PTPN4: variants seen among roughly 807,000 people sequenced by gnomAD.
The protein encoded by PTPN4 is protein tyrosine phosphatase non-receptor type 4, also known as tyrosine-protein phosphatase non-receptor type 4.
Under a neutral mutation model 135.5 loss-of-function variants are expected in PTPN4, and 49 were observed. That is an observed-to-expected ratio of 0.36 (90% CI 0.29 to 0.46). The LOEUF is 0.46. Among genes scored for constraint, PTPN4 ranks in the 20% least tolerant of loss-of-function variants. The pLI, the probability that PTPN4 is intolerant of heterozygous loss-of-function variation, is 1.00. For missense variants in PTPN4, 860 were observed against 1,101.0 expected (o/e 0.78, Z 3.10); for synonymous variants, 333 against 369.9 (o/e 0.90, Z 1.14).
intron 1 of PTPN4, among the ~76,000 whole-genome samples, chr2:119,766,909 C>T (rs1327288805): frequency 1.3e-5 from 2 of 152,162 alleles, no homozygotes; most frequent in Non-Finnish European, 2.9e-5. Context: ...CCTTCTTTAG[C>T]AAGGGAAGGC....
chr2:119,896,230 T>C (rs542048592), intron 9 of PTPN4, among the ~76,000 whole-genome samples: 1 of 152,304 alleles, frequency 6.6e-6, no homozygotes, highest in South Asian at 2.1e-4. Flanking sequence ...ATAATTTTTA[T>C]TACCCAAATG....
intron 2 of PTPN4, among the ~76,000 whole-genome samples, chr2:119,862,231 T>G (rs1677771481): frequency 6.6e-6 from 1 of 152,238 alleles, no homozygotes; most frequent in Non-Finnish European, 1.5e-5. Context: ...AAGGTCAGGT[T>G]GTTTTCTAAA....
In PTPN4 at chr2:119,893,947, T is replaced by C. The variant is rs1307821916; in HGVS notation, c.676-6771T>C. ...GGAGAACAGTAATTTTGAGGGCTTT[T>C]GCTCTACAGGACACAGATAATAATA... On this transcript the variant is annotated intron_variant, in intron 9 of 26. Transcript: ENST00000263708. 2.0e-5 allele frequency among the ~76,000 whole-genome samples: 3 copies of C among 152,130 alleles called. No individual in the cohort carries two copies. In the East Asian group the frequency reaches 5.8e-4, roughly 29 times the overall value.
chr2:119,911,850 A>G (rs1166258400), intron 10 of PTPN4, among the ~76,000 whole-genome samples: 3 of 152,202 alleles, frequency 2.0e-5, no homozygotes, highest in African/African-American at 7.2e-5. Context: ...CAACCAGTCT[A>G]GAAAACTGTT....
intron 1 of PTPN4, among the ~76,000 whole-genome samples, chr2:119,786,591 G>C (rs1313349848): frequency 6.6e-6 from 1 of 152,088 alleles, no homozygotes; most frequent in Non-Finnish European, 1.5e-5. Flanking sequence ...TGTGACCTGG[G>C]CTTCCTTGGA....
intron 19 of PTPN4, 104 bp from the exon 20 acceptor site, chr2:119,955,053 T>A: frequency 9.3e-7 from 1 of 1,076,558 alleles, no homozygotes; most frequent in South Asian, 1.8e-5. Context: ...CACAAATGAA[T>A]TATTTTTTGA....
intron 3 of PTPN4, among the ~76,000 whole-genome samples, chr2:119,862,908 T>A (rs1677781980): frequency 6.6e-6 from 1 of 152,152 alleles, no homozygotes; most frequent in African/African-American, 2.4e-5. Flanking sequence ...TAAATCCAAT[T>A]TATGCCTGTT....
intron 20 of PTPN4, among the ~76,000 whole-genome samples, chr2:119,955,668 T>C (rs1679269692): frequency 1.3e-5 from 2 of 152,178 alleles, no homozygotes; most frequent in South Asian, 4.1e-4. Context: ...CCAGGTGTGG[T>C]GGCTCACGCC....
chr2:119,928,782 T>G (rs778120385), intron 13 of PTPN4, among the ~76,000 whole-genome samples: 30 of 152,158 alleles, frequency 2.0e-4, no homozygotes, highest in Non-Finnish European at 3.8e-4. Context: ...CTGCTTGACT[T>G]TTATAAACAG....
At chr2:119,835,327 G>A (rs902300481) in intron 2 of PTPN4, among the ~76,000 whole-genome samples, 7 of 152,082 alleles carry the variant, frequency 4.6e-5, no homozygotes, top group African/African-American at 7.2e-5. Context: ...TGGGATTAGA[G>A]GCGTCTGCCA....
chr2:119,860,116 C>T (rs192907941), intron 2 of PTPN4, among the ~76,000 whole-genome samples: 1 of 152,182 alleles, frequency 6.6e-6, no homozygotes, highest in Non-Finnish European at 1.5e-5. Context: ...ACCAAAGGTA[C>T]ATTGGATTCA....
chr2:119,836,963 C>T (rs1455932631), intron 2 of PTPN4, among the ~76,000 whole-genome samples: 2 of 152,174 alleles, frequency 1.3e-5, no homozygotes, highest in African/African-American at 2.4e-5. Context: ...GCCTGGGCAC[C>T]GTGGACGAAA....
intron 1 of PTPN4, among the ~76,000 whole-genome samples, chr2:119,806,619 A>G (rs1000611130): frequency 6.6e-6 from 1 of 152,188 alleles, no homozygotes; most frequent in Non-Finnish European, 1.5e-5. Context: ...CTCCCACACA[A>G]TAATAATGGA....
chr2:119,934,628 C>T (rs983791299), intron 14 of PTPN4, among the ~76,000 whole-genome samples, 172 bp from the exon 15 acceptor site: 2 of 152,134 alleles, frequency 1.3e-5, no homozygotes, highest in African/African-American at 4.8e-5. Flanking sequence ...TCACTGACTT[C>T]CCATTCTCTG....
chr2:119,922,823 G>A (rs1212867884), intron 12 of PTPN4, among the ~76,000 whole-genome samples: 3 of 152,090 alleles, frequency 2.0e-5, no homozygotes, highest in African/African-American at 7.2e-5. Context: ...GGAAGGTTTT[G>A]AACATTCAAA....
intron 26 of PTPN4, among the ~76,000 whole-genome samples, chr2:119,971,190 G>A (rs770420497): frequency 6.6e-6 from 1 of 152,196 alleles, no homozygotes; most frequent in Non-Finnish European, 1.5e-5. Context: ...ATGGTGGAAG[G>A]CAAAGGGGAA....
intron 2 of PTPN4, among the ~76,000 whole-genome samples, chr2:119,817,072 A>G (rs1676997721): frequency 1.3e-5 from 2 of 152,312 alleles, no homozygotes; most frequent in South Asian, 2.1e-4. Context: ...AAGGGAATGC[A>G]TTTGTCAACT....
chr2:119,972,689 G>C (rs749776021), intron 26 of PTPN4, among the ~76,000 whole-genome samples: 13 of 152,062 alleles, frequency 8.5e-5, no homozygotes, highest in Non-Finnish European at 1.8e-4. Flanking sequence ...ATTAGCCATG[G>C]ATTGTTTATA....
At chr2:119,848,761 T>C (rs1677545987) in intron 2 of PTPN4, among the ~76,000 whole-genome samples, 1 of 151,648 alleles carries the variant, frequency 6.6e-6, no homozygotes, top group African/African-American at 2.4e-5. Flanking sequence ...CCACCACGCC[T>C]AGCTAGTTTT....
Sources: allele counts gnomAD v4.1 joint callset (sites outside exome capture counted in the v4.1 genomes callset), GRCh38; gene constraint gnomAD v4.1.1; transcripts MANE v1.5; gene names NCBI Gene and HGNC (gene_info 2026-07-23, HGNC 2026-07-21).